The following PCCA variants were observed in gnomAD, a reference collection of about 807,000 sequenced individuals.
PCCA encodes propionyl-CoA carboxylase alpha chain, mitochondrial.
In PCCA, 74 loss-of-function variants were observed where a neutral mutation model predicts 101.3. The ratio of observed to expected loss-of-function variants is 0.73; its 90% CI spans 0.61 to 0.89. PCCA has a LOEUF of 0.89. Ranked by LOEUF, PCCA falls within the 40% of genes least tolerant of loss-of-function variation. PCCA has a pLI of 0.00. For synonymous variants in PCCA, 294 were observed against 313.6 expected (o/e 0.94, Z 0.66); for missense variants, 891 against 907.0 (o/e 0.98, Z 0.23).
At chr13:100,273,692 CT>C in intron 12 of PCCA, among the ~76,000 whole-genome samples, 1 of 152,112 alleles carries the variant, frequency 6.6e-6, no homozygotes, top group Non-Finnish European at 1.5e-5. Flanking sequence ...ATTGCAAAAT[CT>C]TTGGAAGGAT....
chr13:100,235,884 T>C lies in PCCA; in HGVS notation c.637+6T>C. 1 of 1,589,670 alleles carries C rather than the reference T, an allele frequency of 6.3e-7. No homozygotes were observed. Among genetic ancestry groups the C allele is most frequent in the Non-Finnish European group, 8.6e-7 (1 of 1,157,700 alleles). The stretch of plus-strand genomic sequence containing the variant: ...CAGAATTGCAAGGGAAATTGGTAAG[T>C]CCTTAAATTAACTTTGGTAGGATTT... On this transcript the variant is annotated splice_donor_region_variant and intron_variant, in intron 8 of 23. Coordinates refer to ENST00000376285, the MANE Select transcript of PCCA (RefSeq NM_000282.4).
chr13:100,105,861 A>T (rs1386792431), intron 2 of PCCA, among the ~76,000 whole-genome samples: 2 of 149,636 alleles, frequency 1.3e-5, no homozygotes, highest in Non-Finnish European at 3.0e-5. Flanking sequence ...AAAAAAAAAA[A>T]AAAAAAAAAA....
At chr13:100,109,771 A>G (rs2048133513) in intron 2 of PCCA, among the ~76,000 whole-genome samples, 1 of 152,142 alleles carries the variant, frequency 6.6e-6, no homozygotes, top group African/African-American at 2.4e-5. Context: ...ATATGATGTA[A>G]AGGTTAAACC....
intron 6 of PCCA, among the ~76,000 whole-genome samples, chr13:100,202,455 A>C (rs2058583577): frequency 6.7e-6 from 1 of 150,002 alleles, no homozygotes; most frequent in South Asian, 2.1e-4. Context: ...TGATTATTTA[A>C]ATTTCTCTTT....
intron 18 of PCCA, among the ~76,000 whole-genome samples, chr13:100,360,484 G>A (rs1309938326): frequency 6.6e-6 from 1 of 152,158 alleles, no homozygotes; most frequent in African/African-American, 2.4e-5. Flanking sequence ...AAACATGTGA[G>A]TATATCTTCT....
chr13:100,478,310 A>G (rs2083586721), intron 21 of PCCA, among the ~76,000 whole-genome samples: 1 of 152,174 alleles, frequency 6.6e-6, no homozygotes, highest in Admixed American at 6.5e-5. Flanking sequence ...GAGCCCTGAC[A>G]ACTGTCTCCC....
chr13:100,118,370 C>G (rs748765327), intron 4 of PCCA, among the ~76,000 whole-genome samples: 1 of 152,016 alleles, frequency 6.6e-6, no homozygotes, highest in South Asian at 2.1e-4. Context: ...TCATGAGTTA[C>G]ATTTGTTTAT....
intron 7 of PCCA, among the ~76,000 whole-genome samples, chr13:100,211,050 T>G (rs762970876): frequency 6.6e-5 from 10 of 152,236 alleles, no homozygotes; most frequent in Non-Finnish European, 1.5e-4. Flanking sequence ...CTTCTGTGTC[T>G]TAAAATTCTC....
At chr13:100,252,176 A>G (rs2061798417) in intron 8 of PCCA, among the ~76,000 whole-genome samples, 1 of 152,086 alleles carries the variant, frequency 6.6e-6, no homozygotes. Flanking sequence ...AGGTCCTATT[A>G]CCCATATCAG....
At chr13:100,246,534 C>T (rs1207476959) in intron 8 of PCCA, among the ~76,000 whole-genome samples, 6 of 151,944 alleles carry the variant, frequency 3.9e-5, no homozygotes. Flanking sequence ...TGCCATGTTG[C>T]CCAGGCTGGT....
At chr13:100,437,493 C>A (rs540286075) in intron 20 of PCCA, among the ~76,000 whole-genome samples, 1 of 151,428 alleles carries the variant, frequency 6.6e-6, no homozygotes, top group South Asian at 2.1e-4. Context: ...CAAATATCAT[C>A]ATTTAAGGAA....
chr13:100,288,576 C>T (rs1054949316), intron 12 of PCCA, among the ~76,000 whole-genome samples: 2 of 152,168 alleles, frequency 1.3e-5, no homozygotes, highest in African/African-American at 4.8e-5. Flanking sequence ...CCAGGGCACC[C>T]GGCGATACAT....
chr13:100,435,464 A>T (rs896494660), intron 20 of PCCA, among the ~76,000 whole-genome samples: 14 of 152,242 alleles, frequency 9.2e-5, no homozygotes, highest in African/African-American at 3.4e-4. Flanking sequence ...ATGAGTAAGT[A>T]GTTGGGAAGG....
chr13:100,291,690 A>G (rs1402677634), intron 12 of PCCA, among the ~76,000 whole-genome samples: 1 of 152,222 alleles, frequency 6.6e-6, no homozygotes, highest in Non-Finnish European at 1.5e-5. Context: ...AGACATGACC[A>G]TATCTACTCC....
At chr13:100,448,826 A>G (rs951952778) in intron 20 of PCCA, among the ~76,000 whole-genome samples, 1 of 152,234 alleles carries the variant, frequency 6.6e-6, no homozygotes, top group Admixed American at 6.5e-5. Flanking sequence ...TCACCCATTT[A>G]AAGTTACAGT....
chr13:100,382,102 C>A (rs1160909436), intron 19 of PCCA, among the ~76,000 whole-genome samples: 4 of 152,232 alleles, frequency 2.6e-5, no homozygotes, highest in Non-Finnish European at 5.9e-5. Flanking sequence ...CTTTTGTATC[C>A]ACACACATGG....
intron 4 of PCCA, among the ~76,000 whole-genome samples, chr13:100,141,141 T>G (rs145079407): frequency 1.6e-3 from 239 of 152,272 alleles, no homozygotes; most frequent in African/African-American, 5.5e-3. Context: ...TCCAAACACT[T>G]TACCGTGACA....
At position 100,178,052 on chromosome 13, in the gene PCCA, C is replaced by T. The variant is rs1007814960; in HGVS notation, c.468+20712C>T. Among the ~76,000 whole-genome samples, 14 of 152,064 alleles carry T rather than the reference C, an allele frequency of 9.2e-5. 1 individual carries two copies. Among genetic ancestry groups the T allele is most frequent in the Admixed American group, 7.9e-4 (12 of 15,270 alleles). On this transcript the variant is annotated intron_variant, in intron 6 of 23. Transcript: ENST00000376285. The stretch of plus-strand genomic sequence containing the variant: ...TCTGGGATGAGTTTTTCAGTATTCC[C>T]AGACTTCAATTTAATTCAGGGTTTC...
chr13:100,399,500 G>A (rs747667028), intron 19 of PCCA, among the ~76,000 whole-genome samples: 3 of 152,130 alleles, frequency 2.0e-5, no homozygotes, highest in African/African-American at 4.8e-5. Context: ...GTTAATTCAG[G>A]AACAGAGTTG....
Sources: allele counts gnomAD v4.1 joint callset (sites outside exome capture counted in the v4.1 genomes callset), GRCh38; gene constraint gnomAD v4.1.1; transcripts MANE v1.5; gene names NCBI Gene and HGNC (gene_info 2026-07-23, HGNC 2026-07-21).